XKR4: variants seen among roughly 807,000 people sequenced by gnomAD.
XKR4 encodes the protein XK-related protein 4.
XKR4 carries 12 observed loss-of-function variants against 53.9 expected under a neutral mutation model. The ratio of observed to expected loss-of-function variants is 0.22; its 90% CI spans 0.14 to 0.36. The LOEUF (loss-of-function observed/expected upper bound fraction) is 0.36, where lower values mean the gene tolerates loss of function less well. Among genes scored for constraint, XKR4 ranks in the 10% least tolerant of loss-of-function variants. The probability of loss-of-function intolerance (pLI) is 1.00; values close to 1 mark genes in which losing one functional copy is unlikely to be tolerated. For synonymous variants in XKR4, 354 were observed against 362.4 expected (o/e 0.98, Z 0.26); for missense variants, 799 against 859.5 (o/e 0.93, Z 0.88).
At chr8:55,238,406 A>G (rs1818164574) in intron 1 of XKR4, among the ~76,000 whole-genome samples, 1 of 152,160 alleles carries the variant, frequency 6.6e-6, no homozygotes, top group South Asian at 2.1e-4. Context: ...GAGGAGGAGG[A>G]GGAAAAGGAA....
intron 1 of XKR4, among the ~76,000 whole-genome samples, chr8:55,316,366 T>C (rs1489345645): frequency 6.6e-6 from 1 of 152,202 alleles, no homozygotes; most frequent in African/African-American, 2.4e-5. Context: ...TCATTCATGA[T>C]TCCTGGTATG....
intron 1 of XKR4, among the ~76,000 whole-genome samples, chr8:55,309,233 T>G (rs754557282): frequency 1.0e-3 from 159 of 152,214 alleles, no homozygotes; most frequent in Non-Finnish European, 2.0e-3. Flanking sequence ...TACTTAGCAA[T>G]AGAAAAAGCA....
intron 2 of XKR4, among the ~76,000 whole-genome samples, chr8:55,506,901 T>C (rs1297599907): frequency 6.6e-6 from 1 of 152,268 alleles, no homozygotes; most frequent in Non-Finnish European, 1.5e-5. Flanking sequence ...ACTACTTTCT[T>C]TTATCCAATG....
intron 1 of XKR4, among the ~76,000 whole-genome samples, chr8:55,318,094 T>C (rs551636808): frequency 6.6e-6 from 1 of 152,266 alleles, no homozygotes; most frequent in African/African-American, 2.4e-5. Flanking sequence ...GTTGCCTCAA[T>C]TGTTGGCTTG....
chr8:55,341,807 C>T (rs1409827627), intron 1 of XKR4, among the ~76,000 whole-genome samples: 2 of 152,000 alleles, frequency 1.3e-5, no homozygotes, highest in Non-Finnish European at 2.9e-5. Context: ...GATCCTTGGC[C>T]CCTGGGGCCG....
intron 1 of XKR4, among the ~76,000 whole-genome samples, chr8:55,329,777 T>C (rs926545481): frequency 6.6e-6 from 1 of 152,188 alleles, no homozygotes; most frequent in Non-Finnish European, 1.5e-5. Context: ...TCAAGAAGTA[T>C]ACAAGAACAT....
intron 1 of XKR4, among the ~76,000 whole-genome samples, chr8:55,321,811 A>T (rs1460533321): frequency 1.3e-5 from 2 of 152,146 alleles, no homozygotes; most frequent in Non-Finnish European, 2.9e-5. Flanking sequence ...CAACGTGGTG[A>T]AACCCCGTCT....
chr8:55,268,922 T>G (rs1818649826), intron 1 of XKR4, among the ~76,000 whole-genome samples: 1 of 152,212 alleles, frequency 6.6e-6, no homozygotes, highest in African/African-American at 2.4e-5. Flanking sequence ...TCTACATGTT[T>G]TAATCATTTT....
chr8:55,192,666 AT>A (rs1817459402), intron 1 of XKR4, among the ~76,000 whole-genome samples: 1 of 152,112 alleles, frequency 6.6e-6, no homozygotes, highest in Non-Finnish European at 1.5e-5. Context: ...GTATGGGTAC[AT>A]TGTGCACATG....
chr8:55,393,279 C>T (rs572955251), intron 2 of XKR4, among the ~76,000 whole-genome samples: 1 of 152,076 alleles, frequency 6.6e-6, no homozygotes, highest in Admixed American at 6.6e-5. Flanking sequence ...AATTGAGTTA[C>T]ATTTCACCAC....
At chr8:55,455,530 C>A (rs78500329) in intron 2 of XKR4, among the ~76,000 whole-genome samples, 1,607 of 152,238 alleles carry the variant, frequency 0.011, 25 homozygotes, top group African/African-American at 0.037. Context: ...TAGCCTTCCT[C>A]GCTAAAAGTG....
In XKR4 at chr8:55,485,694, C is replaced by T. The variant is rs539315391; in HGVS notation, c.1007-37587C>T. On this transcript the variant is annotated intron_variant, in intron 2 of 2. Transcript: ENST00000327381. ...GATTACAGGCGTGAACCACCGTACCCGGCCTAAGTGTTTCTTTTTCTACTG... is the reference window on the plus strand; with the variant it reads ...GATTACAGGCGTGAACCACCGTACCTGGCCTAAGTGTTTCTTTTTCTACTG... 3.3e-5 allele frequency among the ~76,000 whole-genome samples: 5 copies of T among 152,194 alleles called. No individual in the cohort carries two copies. The South Asian group carries it at 6.2e-4, about 19-fold the overall frequency.
chr8:55,322,334 A>G (rs967396003), intron 1 of XKR4, among the ~76,000 whole-genome samples: 2 of 152,156 alleles, frequency 1.3e-5, no homozygotes, highest in African/African-American at 4.8e-5. Context: ...TCTTATGTCC[A>G]TATGTATTTG....
intron 1 of XKR4, among the ~76,000 whole-genome samples, chr8:55,121,469 T>G (rs770076136): frequency 2.0e-5 from 3 of 152,174 alleles, no homozygotes; most frequent in Non-Finnish European, 4.4e-5. Flanking sequence ...CACACTAAAA[T>G]TAGGGAGTAG....
chr8:55,414,880 C>T (rs1383249008), intron 2 of XKR4, among the ~76,000 whole-genome samples: 1 of 152,152 alleles, frequency 6.6e-6, no homozygotes, highest in Non-Finnish European at 1.5e-5. Flanking sequence ...AATTTTTCCT[C>T]CAGCATCTCA....
At chr8:55,110,280 C>A (rs764564980) in intron 1 of XKR4, among the ~76,000 whole-genome samples, 1 of 152,102 alleles carries the variant, frequency 6.6e-6, no homozygotes, top group Non-Finnish European at 1.5e-5. Context: ...TTCTGACCAC[C>A]ATAACAAGTG....
intron 2 of XKR4, among the ~76,000 whole-genome samples, chr8:55,366,999 C>T (rs148907450): frequency 6.6e-6 from 1 of 152,296 alleles, no homozygotes; most frequent in African/African-American, 2.4e-5. Context: ...TTCCTATCCT[C>T]TGTTTTTGTT....
chr8:55,364,956 T>G (rs1803954973), intron 2 of XKR4, among the ~76,000 whole-genome samples: 3 of 152,350 alleles, frequency 2.0e-5, no homozygotes, highest in South Asian at 4.1e-4. Flanking sequence ...AACTTAGGTT[T>G]GCATTACATA....
chr8:55,481,032 GA>G (rs1806093762), intron 2 of XKR4, among the ~76,000 whole-genome samples: 1 of 152,116 alleles, frequency 6.6e-6, no homozygotes, highest in African/African-American at 2.4e-5. Flanking sequence ...TTTCTTCACA[GA>G]ATTGGAAAAA....
Sources: allele counts gnomAD v4.1 joint callset (sites outside exome capture counted in the v4.1 genomes callset), GRCh38; gene constraint gnomAD v4.1.1; transcripts MANE v1.5; gene names NCBI Gene and HGNC (gene_info 2026-07-23, HGNC 2026-07-21).